The following FARP1 variants were observed in gnomAD, a reference collection of about 807,000 sequenced individuals.
The protein encoded by FARP1 is FERM, ARHGEF and pleckstrin domain-containing protein 1.
Under a neutral mutation model 128.8 loss-of-function variants are expected in FARP1, and 52 were observed. The ratio of observed to expected loss-of-function variants is 0.40; its 90% confidence interval spans 0.32 to 0.51. The LOEUF (loss-of-function observed/expected upper bound fraction) is 0.51. Among genes scored for constraint, FARP1 ranks in the 20% least tolerant of loss-of-function variants. The pLI, the probability that FARP1 is intolerant of heterozygous loss-of-function variation, is 0.45. For synonymous variants in FARP1, 580 were observed against 551.8 expected (o/e 1.05, Z -0.72); for missense variants, 1,333 against 1,367.9 (o/e 0.97, Z 0.40).
chr13:98,227,938 T>G (rs1051843535), intron 2 of FARP1, among the ~76,000 whole-genome samples: 7 of 152,224 alleles, frequency 4.6e-5, no homozygotes, highest in Non-Finnish European at 1.0e-4. Flanking sequence ...GAATGGTGGT[T>G]GCTGTGGGAA....
intron 5 of FARP1, among the ~76,000 whole-genome samples, chr13:98,376,334 T>C (rs1566931620): frequency 6.6e-6 from 1 of 152,316 alleles, no homozygotes; most frequent in East Asian, 1.9e-4. Flanking sequence ...GTTCAATTGT[T>C]TTAATTTTTA....
chr13:98,368,362 T>C (rs1889187615), intron 5 of FARP1, among the ~76,000 whole-genome samples, 167 bp downstream of exon 5: 1 of 152,194 alleles, frequency 6.6e-6, no homozygotes. Context: ...CTTACAAAAA[T>C]GGGGGGAGAA....
At chr13:98,320,899 C>T (rs949289300) in intron 2 of FARP1, among the ~76,000 whole-genome samples, 5 of 152,074 alleles carry the variant, frequency 3.3e-5, no homozygotes, top group Non-Finnish European at 5.9e-5. Flanking sequence ...TCAGAAGGCC[C>T]GGAAATCTAA....
chr13:98,350,385 A>G lies in FARP1; in HGVS notation c.276+6519A>G, dbSNP rs545211354. On this transcript the variant is annotated intron_variant, in intron 3 of 26. Transcript: ENST00000319562. ...TTGAGCCAGAAGTACAGAGGTTCCT[A>G]TATACTGTTCCCGCTCTGTCCGTAC... is the stretch of plus-strand genomic sequence containing the variant. 7.2e-5 allele frequency among the ~76,000 whole-genome samples: 11 copies of G among 152,288 alleles called. No homozygotes were observed. In the East Asian group the frequency reaches 1.2e-3, roughly 16 times the overall value.
At chr13:98,287,942 C>T (rs146753090) in intron 2 of FARP1, among the ~76,000 whole-genome samples, 2,040 of 152,068 alleles carry the variant, frequency 0.013, 44 homozygotes, top group African/African-American at 0.046. Flanking sequence ...GCTGGGACTA[C>T]GGGCACCCAC....
intron 1 of FARP1, among the ~76,000 whole-genome samples, chr13:98,146,428 A>G (rs1481611279): frequency 6.6e-6 from 1 of 152,166 alleles, no homozygotes. Context: ...GGGTTTCTCC[A>G]TGTTGGTCAG....
chr13:98,258,033 G>C (rs1411505961), intron 2 of FARP1, among the ~76,000 whole-genome samples: 4 of 152,068 alleles, frequency 2.6e-5, no homozygotes, highest in African/African-American at 9.7e-5. Flanking sequence ...GAGTGCAGTG[G>C]CACGATCTTG....
intron 2 of FARP1, among the ~76,000 whole-genome samples, chr13:98,248,696 A>G (rs9517228): frequency 0.07 from 10,701 of 151,932 alleles, 480 homozygotes; most frequent in Non-Finnish European, 0.11. Flanking sequence ...GAGTTGCCCA[A>G]TGTGCACATT....
intron 1 of FARP1, chr13:98,175,998 C>T: frequency 3.0e-6 from 2 of 672,492 alleles, no homozygotes; most frequent in Non-Finnish European, 5.1e-6. Context: ...TTGGCTTTTG[C>T]AAATAATTCT....
At chr13:98,301,805 G>A (rs1468121048) in intron 2 of FARP1, among the ~76,000 whole-genome samples, 1 of 152,118 alleles carries the variant, frequency 6.6e-6, no homozygotes, top group African/African-American at 2.4e-5. Context: ...CGTACTCGGT[G>A]GTGTATGGCT....
rs1307995039 is a variant in FARP1, at chr13:98,450,350, A to AGAG, written c.*2033_*2034insGAG. The AGAG allele has an allele frequency of 3.3e-5, 5 of 152,372 alleles. No individual in the cohort carries two copies. The highest frequency in any genetic ancestry group is 4.1e-4 in the South Asian group (2 of 4,832). The allele number at this position is 152,372 out of a possible 1,614,324, so 9.4% of individuals were successfully genotyped here. A position where few individuals can be genotyped will look rare whatever the true frequency, so the allele number is the denominator to read the frequency against. On this transcript the variant is annotated 3_prime_UTR_variant, in exon 27 of 27. Coordinates refer to ENST00000319562, the MANE Select transcript of FARP1 (RefSeq NM_005766.4). ...GGAGGGAAATATAAAAAATGTTTAT[A>AGAG]AACTGACAGTGTTTTGCCAGAGGAA... is the stretch of plus-strand genomic sequence containing the variant.
intron 1 of FARP1, among the ~76,000 whole-genome samples, chr13:98,188,226 T>G (rs1421408946): frequency 2.0e-5 from 3 of 152,092 alleles, no homozygotes; most frequent in Non-Finnish European, 4.4e-5. Flanking sequence ...ACAGAACAGT[T>G]TCTGTAAGAA....
intron 2 of FARP1, among the ~76,000 whole-genome samples, chr13:98,296,595 G>A (rs138913749): frequency 3.2e-4 from 48 of 151,738 alleles, no homozygotes; most frequent in African/African-American, 1.1e-3. Context: ...CCTTTTTTGC[G>A]TAGAATGTCT....
intron 2 of FARP1, among the ~76,000 whole-genome samples, chr13:98,287,802 T>TC (rs1194702477): frequency 6.8e-5 from 1 of 14,600 alleles, no homozygotes; most frequent in Non-Finnish European, 1.2e-4. Context: ...AGGCACTTCT[T>TC]TTTTTTTTTT....
chr13:98,301,243 T>C (rs1371125778), intron 2 of FARP1, among the ~76,000 whole-genome samples: 1 of 152,210 alleles, frequency 6.6e-6, no homozygotes. Flanking sequence ...CTGGCCACTT[T>C]AATGCACTTT....
At chr13:98,209,769 C>T (rs1359512306) in intron 1 of FARP1, among the ~76,000 whole-genome samples, 1 of 122,748 alleles carries the variant, frequency 8.1e-6, no homozygotes, top group African/African-American at 3.2e-5. Flanking sequence ...TGCACTCCAG[C>T]CTGGGCAATA....
chr13:98,189,827 G>C (rs1879110270), intron 1 of FARP1, among the ~76,000 whole-genome samples: 1 of 152,206 alleles, frequency 6.6e-6, no homozygotes. Flanking sequence ...AGGAGCAACA[G>C]TTGAGATTTG....
At chr13:98,282,992 C>T (rs965750551) in intron 2 of FARP1, among the ~76,000 whole-genome samples, 1 of 152,138 alleles carries the variant, frequency 6.6e-6, no homozygotes, top group African/African-American at 2.4e-5. Context: ...AACAATATGT[C>T]ATTATACCTA....
In FARP1 at chr13:98,438,801, C is replaced by T; in HGVS notation, c.2275-3C>T. 1.9e-6 allele frequency: 3 copies of T among 1,612,090 alleles called. No individual in the cohort carries two copies. The highest frequency in any genetic ancestry group is 2.5e-6 in the Non-Finnish European group (3 of 1,179,578). On this transcript the variant is annotated splice_polypyrimidine_tract_variant and splice_region_variant and intron_variant, in intron 19 of 26. Transcript: ENST00000319562. ...CCAGCCCTCCGGTCTGTCTCCCCTG[C>T]AGGAGTTCATCCGTCTGGGCAGCCT...
Sources: gnomAD v4.1 joint callset for allele counts (sites outside exome capture counted in the v4.1 genomes callset) on GRCh38, gnomAD v4.1.1 for gene constraint, MANE v1.5 for transcripts, NCBI Gene and HGNC (gene_info 2026-07-23, HGNC 2026-07-21) for gene names.